GRIN3A: variants seen among roughly 807,000 people sequenced by gnomAD.
The protein encoded by GRIN3A is glutamate ionotropic receptor NMDA type subunit 3A.
GRIN3A carries 47 observed loss-of-function variants against 92.4 expected under a neutral mutation model. The observed-to-expected ratio is 0.51, with a 90% CI of 0.40 to 0.65. GRIN3A has a LOEUF of 0.65. GRIN3A is among the 30% of genes least tolerant of loss of function. The pLI is 0.00. For synonymous variants in GRIN3A, 527 were observed against 540.6 expected, an observed-to-expected ratio of 0.97 and a Z score of 0.35; for missense variants, 1,324 against 1,393.1, an observed-to-expected ratio of 0.95 and a Z score of 0.79.
At chr9:101,585,084 A>G (rs1291580757) in intron 6 of GRIN3A, among the ~76,000 whole-genome samples, 1 of 152,170 alleles carries the variant, frequency 6.6e-6, no homozygotes, top group East Asian at 1.9e-4. Context: ...ACCCTCTTCA[A>G]TCAGACTTTT....
intron 2 of GRIN3A, among the ~76,000 whole-genome samples, chr9:101,683,509 C>T (rs937496263): frequency 6.6e-6 from 1 of 152,166 alleles, no homozygotes; most frequent in African/African-American, 2.4e-5. Context: ...TGTTTTATGG[C>T]TTAAGGCAGC....
At chr9:101,689,925 C>G (rs974335787) in intron 1 of GRIN3A, among the ~76,000 whole-genome samples, 1 of 152,124 alleles carries the variant, frequency 6.6e-6, no homozygotes, top group Admixed American at 6.5e-5. Flanking sequence ...AAAGAGCAAG[C>G]TCATGGCCTG....
intron 5 of GRIN3A, among the ~76,000 whole-genome samples, chr9:101,622,483 G>A (rs1280204450): frequency 6.6e-6 from 1 of 152,172 alleles, no homozygotes; most frequent in Admixed American, 6.5e-5. Flanking sequence ...AATGAAAGGA[G>A]CTACCGACAA....
intron 4 of GRIN3A, 110 bp from the exon 5 acceptor site, chr9:101,623,543 C>T (rs963083429): frequency 1.3e-5 from 10 of 762,070 alleles, no homozygotes; most frequent in African/African-American, 1.2e-4. Context: ...CACTAAGGGC[C>T]GCACAAGCTA....
At chr9:101,716,118 G>A (rs1829943665) in intron 1 of GRIN3A, among the ~76,000 whole-genome samples, 1 of 129,104 alleles carries the variant, frequency 7.7e-6, no homozygotes, top group Non-Finnish European at 1.8e-5. Context: ...AGAGTGGAAG[G>A]AAGAGCAGAA....
At chr9:101,702,366 C>T (rs934799428) in intron 1 of GRIN3A, among the ~76,000 whole-genome samples, 1 of 152,130 alleles carries the variant, frequency 6.6e-6, no homozygotes, top group Non-Finnish European at 1.5e-5. Flanking sequence ...TTGAAACTCA[C>T]CATCCATCCA....
rs61744907 is a variant in GRIN3A, at chr9:101,623,411, C to T, written c.2521G>A (p.Ala841Thr). The T allele has an allele frequency of 1.4e-5, 22 of 1,611,086 alleles. No homozygotes were observed. The highest frequency in any genetic ancestry group is 1.8e-5 in the Non-Finnish European group (21 of 1,177,256). The change falls in exon 5 of 9, where the codon GCC becomes ACC. Residue 841 changes from alanine (A) to threonine (T), a missense_variant. Coordinates refer to ENST00000361820, the MANE Select transcript of GRIN3A (RefSeq NM_133445.3). ...YLKNDPEKLD[A>T]FIMDKALLDY... ...AGAAGGGCTTTGTCCATGATGAAGG[C>T]GTCTAGTTTCTCTGGATCATTCCTA...
Position 101,738,101 on chromosome 9 carries a change from TC to T in GRIN3A, c.-123del. ...AGCTTCACTCCACTCGGTGAAGCGGTCCCAGGAGCTGGAGCGGTCTCTAGGC... is the reference window on the plus strand; with the variant it reads ...AGCTTCACTCCACTCGGTGAAGCGGTCCAGGAGCTGGAGCGGTCTCTAGGC... On this transcript the variant is annotated 5_prime_UTR_variant, in exon 1 of 9. Transcript: ENST00000361820. The T allele has an allele frequency of 3.5e-6, 3 of 854,838 alleles. No individual in the cohort carries two copies. Among genetic ancestry groups the T allele is most frequent in the South Asian group, 1.4e-5 (1 of 69,902 alleles). 53.0% of individuals were successfully genotyped at this position (854,838 alleles called of 1,614,324 possible).
At chr9:101,642,401 A>G (rs569677020) in intron 3 of GRIN3A, among the ~76,000 whole-genome samples, 1 of 152,222 alleles carries the variant, frequency 6.6e-6, no homozygotes, top group Admixed American at 6.5e-5. Flanking sequence ...GGAAAAGATC[A>G]TTGACATTGG....
intron 2 of GRIN3A, among the ~76,000 whole-genome samples, chr9:101,686,214 T>G (rs1829531173): frequency 6.6e-6 from 1 of 152,218 alleles, no homozygotes; most frequent in Admixed American, 6.5e-5. Flanking sequence ...AGCATGGTAT[T>G]AGGTACTTTT....
chr9:101,724,299 G>GCGC (rs1678145094), intron 1 of GRIN3A, among the ~76,000 whole-genome samples: 2 of 152,324 alleles, frequency 1.3e-5, no homozygotes, highest in Admixed American at 1.3e-4. Flanking sequence ...ATCAAGCGCA[G>GCGC]CGCCGGTGGG....
intron 1 of GRIN3A, among the ~76,000 whole-genome samples, chr9:101,723,076 T>C (rs1186901197): frequency 6.6e-6 from 1 of 152,016 alleles, no homozygotes; most frequent in Non-Finnish European, 1.5e-5. Context: ...CAGGGGGAGG[T>C]AATTGAATCA....
intron 5 of GRIN3A, among the ~76,000 whole-genome samples, chr9:101,622,968 A>G (rs4742819): frequency 0.077 from 11,483 of 149,152 alleles, 563 homozygotes; most frequent in East Asian, 0.22. Context: ...CTTGGGCAAC[A>G]TAGCACATAG....
In GRIN3A at chr9:101,670,419, G is replaced by A. The variant is rs748414670; in HGVS notation, c.1993C>T (p.Pro665Ser). Reference protein sequence around the residue: ...ILVRTRDTAAPIGAFMWPLHW... With the variant: ...ILVRTRDTAASIGAFMWPLHW... ...AGTGGCCACATGAAGGCTCCAATGG[G>A]AGCTGCTGTATCTCGGGTCCTCACT... is the stretch of plus-strand genomic sequence containing the variant. Residue 665 changes from proline (P) to serine (S), a missense_variant, in exon 3 of 9, where the codon CCC becomes TCC. Transcript: ENST00000361820. 6.2e-7 allele frequency: 1 copy of A among 1,614,002 alleles called. No homozygotes were observed. Among genetic ancestry groups the A allele is most frequent in the Non-Finnish European group, 8.5e-7 (1 of 1,179,942 alleles).
chr9:101,678,544 A>G (rs920245836), intron 2 of GRIN3A, among the ~76,000 whole-genome samples: 3 of 152,190 alleles, frequency 2.0e-5, no homozygotes, highest in Admixed American at 2.0e-4. Context: ...TTAGTAATAT[A>G]TTAAACATAT....
At chr9:101,678,550 C>A (rs1245953720) in intron 2 of GRIN3A, among the ~76,000 whole-genome samples, 1 of 152,088 alleles carries the variant, frequency 6.6e-6, no homozygotes, top group Non-Finnish European at 1.5e-5. Flanking sequence ...ATATATTAAA[C>A]ATATATGTAC....
chr9:101,730,357 G>A (rs1156575395), intron 1 of GRIN3A, among the ~76,000 whole-genome samples: 2 of 152,136 alleles, frequency 1.3e-5, no homozygotes, highest in African/African-American at 4.8e-5. Context: ...TTTCTGATTA[G>A]TTTTTATGAA....
chr9:101,692,790 A>G (rs1336132305), intron 1 of GRIN3A, among the ~76,000 whole-genome samples: 1 of 152,164 alleles, frequency 6.6e-6, no homozygotes, highest in East Asian at 1.9e-4. Context: ...CCTATATTAT[A>G]CAGAAGACTT....
intron 1 of GRIN3A, among the ~76,000 whole-genome samples, chr9:101,720,005 C>T (rs1829992119): frequency 6.6e-6 from 1 of 152,084 alleles, no homozygotes; most frequent in African/African-American, 2.4e-5. Context: ...TCTCCCTGAC[C>T]ATGGGAGCAT....
Sources: gnomAD v4.1 joint callset for allele counts (sites outside exome capture counted in the v4.1 genomes callset) on GRCh38, gnomAD v4.1.1 for gene constraint, MANE v1.5 for transcripts, NCBI Gene and HGNC (gene_info 2026-07-23, HGNC 2026-07-21) for gene names.